Variants in INTS4 observed in about 807,000 individuals in gnomAD.
INTS4 encodes MSTP093.
INTS4 carries 70 observed loss-of-function variants against 119.5 expected under a neutral mutation model. That is an observed-to-expected ratio of 0.59 (90% confidence interval 0.48 to 0.71). The LOEUF is 0.71. Ranked by LOEUF, INTS4 falls within the 30% of genes least tolerant of loss-of-function variation. The pLI is 0.00. For missense variants in INTS4, 867 were observed against 1,173.2 expected, an observed-to-expected ratio of 0.74 and a Z score of 3.81; for synonymous variants, 316 against 419.6, an observed-to-expected ratio of 0.75 and a Z score of 3.02.
At chr11:77,942,570 C>A (rs1428450520) in intron 8 of INTS4, among the ~76,000 whole-genome samples, 1 of 152,148 alleles carries the variant, frequency 6.6e-6, no homozygotes. Context: ...TACCTCTCAT[C>A]CCCATTTTCT....
intron 2 of INTS4, among the ~76,000 whole-genome samples, chr11:77,982,557 T>G (rs1445471919): frequency 6.6e-6 from 1 of 152,092 alleles, no homozygotes; most frequent in Non-Finnish European, 1.5e-5. Flanking sequence ...AAAGAAATAG[T>G]CTGGCTGTTT....
At chr11:77,980,449 G>GGCTC (rs2136642254) in intron 3 of INTS4, among the ~76,000 whole-genome samples, 1 of 152,202 alleles carries the variant, frequency 6.6e-6, no homozygotes, top group African/African-American at 2.4e-5. Flanking sequence ...GCATGATCAT[G>GGCTC]GCTCACTGCA....
At chr11:77,912,340 C>T (rs866296078) in intron 15 of INTS4, among the ~76,000 whole-genome samples, 4 of 149,390 alleles carry the variant, frequency 2.7e-5, no homozygotes, top group East Asian at 2.0e-4. Context: ...CCAGCCTGAA[C>T]GACAGAGGGA....
chr11:77,991,986 G>A (rs148385211), intron 1 of INTS4, among the ~76,000 whole-genome samples: 127 of 152,132 alleles, frequency 8.3e-4, no homozygotes, highest in African/African-American at 2.8e-3. Context: ...CACCACACAT[G>A]GCTAATTTTT....
intron 15 of INTS4, among the ~76,000 whole-genome samples, chr11:77,915,669 G>A (rs1171585393): frequency 2.6e-5 from 4 of 152,166 alleles, no homozygotes; most frequent in African/African-American, 7.2e-5. Flanking sequence ...TCCCCCAGGT[G>A]AGTAAACTGG....
At chr11:77,941,458 C>CTT (rs35544689) in intron 8 of INTS4, among the ~76,000 whole-genome samples, 24,920 of 138,294 alleles carry the variant, frequency 0.18, 2,423 homozygotes, top group Middle Eastern at 0.2. Flanking sequence ...ACCTACTGTG[C>CTT]TTTTTTTTTT....
intron 8 of INTS4, among the ~76,000 whole-genome samples, chr11:77,947,318 A>G (rs1299790866): frequency 6.6e-6 from 1 of 152,198 alleles, no homozygotes; most frequent in Non-Finnish European, 1.5e-5. Context: ...AAGGTTCACA[A>G]TTACATTCAA....
chr11:77,941,458 C>CTTTTT (rs35544689), intron 8 of INTS4, among the ~76,000 whole-genome samples: 2 of 138,454 alleles, frequency 1.4e-5, no homozygotes. Flanking sequence ...ACCTACTGTG[C>CTTTTT]TTTTTTTTTT....
chr11:77,934,188 G>A (rs1420430799), intron 10 of INTS4, among the ~76,000 whole-genome samples: 1 of 151,884 alleles, frequency 6.6e-6, no homozygotes, highest in Non-Finnish European at 1.5e-5. Flanking sequence ...GATGCTTGAA[G>A]GCAGCATGCT....
chr11:77,894,817 A>C (rs2136409633), intron 18 of INTS4, among the ~76,000 whole-genome samples: 1 of 152,324 alleles, frequency 6.6e-6, no homozygotes, highest in South Asian at 2.1e-4. Flanking sequence ...AGATCTATCC[A>C]GTTTCAAGAA....
At chr11:77,918,135 G>A in intron 15 of INTS4, 4 of 701,922 alleles carry the variant, frequency 5.7e-6, no homozygotes, top group Non-Finnish European at 1.0e-5. Context: ...GAAGACAGAA[G>A]AAAGAATGAG....
chr11:77,988,538 A>G (rs764594343), intron 2 of INTS4, among the ~76,000 whole-genome samples: 15 of 152,222 alleles, frequency 9.9e-5, no homozygotes, highest in Non-Finnish European at 2.1e-4. Flanking sequence ...GGTAATTACT[A>G]TGGAGAAAAC....
At chr11:77,889,328 T>C (rs1438324131) in intron 21 of INTS4, among the ~76,000 whole-genome samples, 2 of 142,406 alleles carry the variant, frequency 1.4e-5, no homozygotes, top group Non-Finnish European at 3.0e-5. Context: ...TTCTCACTCA[T>C]AGGTGGGAAC....
chr11:77,949,581 G>A (rs567036519), intron 8 of INTS4, among the ~76,000 whole-genome samples: 5 of 144,698 alleles, frequency 3.5e-5, no homozygotes, highest in African/African-American at 1.3e-4. Flanking sequence ...CTTCTCAAAA[G>A]AAGACATTTA....
chr11:77,965,973 A>G (rs6592753), intron 4 of INTS4, among the ~76,000 whole-genome samples: 110,088 of 152,140 alleles, frequency 0.72, 40,089 homozygotes, highest in African/African-American at 0.78. Flanking sequence ...GTCTCCCCAT[A>G]CCAACACTTG....
intron 4 of INTS4, among the ~76,000 whole-genome samples, chr11:77,967,917 T>TTA (rs1170453648): frequency 7.2e-5 from 11 of 152,284 alleles, no homozygotes; most frequent in African/African-American, 2.6e-4. Context: ...AAATGCATCA[T>TTA]TAGGTGATTT....
downstream of INTS4, among the ~76,000 whole-genome samples, chr11:77,878,204 T>C (rs565770367): frequency 8.6e-5 from 13 of 151,886 alleles, no homozygotes; most frequent in Admixed American, 2.6e-4. Context: ...CTACTAAAAA[T>C]ACAAAAAATT....
intron 7 of INTS4, 67 bp from the exon 8 acceptor site, chr11:77,956,129 C>T: frequency 6.5e-7 from 1 of 1,531,480 alleles, no homozygotes; most frequent in Non-Finnish European, 8.7e-7. Flanking sequence ...CAGGCTCAGG[C>T]CAGGCACAGT....
chr11:77,915,661 C>T (rs557989702), intron 15 of INTS4, among the ~76,000 whole-genome samples: 13 of 152,248 alleles, frequency 8.5e-5, no homozygotes, highest in Middle Eastern at 3.4e-3. Flanking sequence ...TCACCAAGTC[C>T]CCCAGGTGAG....
Sources: gnomAD v4.1 joint callset for allele counts (sites outside exome capture counted in the v4.1 genomes callset) on GRCh38, gnomAD v4.1.1 for gene constraint, MANE v1.5 for transcripts, NCBI Gene and HGNC (gene_info 2026-07-23, HGNC 2026-07-21) for gene names.